Variants in TNIK observed in about 807,000 individuals in gnomAD.
TNIK encodes the protein TRAF2 and NCK interacting kinase, also known as TRAF2 and NCK-interacting protein kinase.
In TNIK, 49 loss-of-function variants were observed where a neutral mutation model predicts 191.3. That is an observed-to-expected ratio of 0.26 (90% CI 0.20 to 0.32). The LOEUF is 0.32. Ranked by LOEUF, TNIK falls within the 10% of genes least tolerant of loss-of-function variation. The probability of loss-of-function intolerance (pLI) is 1.00; values close to 1 mark genes in which losing one functional copy is unlikely to be tolerated. For missense variants in TNIK, 1,155 were observed against 1,702.3 expected, an observed-to-expected ratio of 0.68 and a Z score of 5.66; for synonymous variants, 594 against 600.9, an observed-to-expected ratio of 0.99 and a Z score of 0.17.
chr3:171,134,782 G>A (rs1729744418), intron 15 of TNIK, among the ~76,000 whole-genome samples: 1 of 152,188 alleles, frequency 6.6e-6, no homozygotes, highest in South Asian at 2.1e-4. Context: ...GTGATCACTT[G>A]TGTTTTACAA....
chr3:171,146,699 G>A (rs781234301), intron 12 of TNIK, among the ~76,000 whole-genome samples: 5 of 152,090 alleles, frequency 3.3e-5, no homozygotes, highest in African/African-American at 4.8e-5. Context: ...ACACCAGCCT[G>A]GCCAACATGG....
chr3:171,104,132 A>AG (rs1210479902), intron 21 of TNIK, among the ~76,000 whole-genome samples: 2 of 152,108 alleles, frequency 1.3e-5, no homozygotes. Context: ...CCCTATGAAA[A>AG]GGTAAAAATA....
chr3:171,183,790 G>A (rs375689152), intron 7 of TNIK, among the ~76,000 whole-genome samples: 120 of 151,826 alleles, frequency 7.9e-4, no homozygotes, highest in African/African-American at 2.8e-3. Context: ...GCGTGGTGGC[G>A]GGCGCCTGTA....
intron 2 of TNIK, among the ~76,000 whole-genome samples, chr3:171,275,711 A>G (rs1380396420): frequency 6.6e-6 from 1 of 151,996 alleles, no homozygotes; most frequent in African/African-American, 2.4e-5. Flanking sequence ...CCTGGCTAAC[A>G]TGGTGAAACC....
chr3:171,257,709 T>C (rs1747060489), intron 2 of TNIK, among the ~76,000 whole-genome samples: 1 of 152,182 alleles, frequency 6.6e-6, no homozygotes, highest in Non-Finnish European at 1.5e-5. Context: ...CAAGATCCCC[T>C]TCTCTTGGGA....
intron 2 of TNIK, among the ~76,000 whole-genome samples, chr3:171,264,063 TACATACACACAC>T (rs1748037994): frequency 4.2e-5 from 4 of 94,466 alleles, no homozygotes; most frequent in Middle Eastern, 4.8e-3. Context: ...TGTATATATA[TACATACACACAC>T]ACACACACAC....
intron 2 of TNIK, among the ~76,000 whole-genome samples, chr3:171,331,942 A>G (rs1415771317): frequency 1.3e-5 from 2 of 152,208 alleles, no homozygotes; most frequent in Non-Finnish European, 2.9e-5. Flanking sequence ...AAAAGTAATA[A>G]AAGTGTAGGG....
Position 171,320,311 on chromosome 3 carries a change from T to C in TNIK, c.123+49309A>G, listed in dbSNP as rs569326362. Reference sequence around the variant, plus strand: ...TCTTGCCCTCTGCCTATAAATTGACTAATAAAATTAAATAAATTGTTACTA... The same window carrying C: ...TCTTGCCCTCTGCCTATAAATTGACCAATAAAATTAAATAAATTGTTACTA... On this transcript the variant is annotated intron_variant, in intron 2 of 32. Coordinates refer to ENST00000436636, the MANE Select transcript of TNIK (RefSeq NM_015028.4). 3.3e-5 allele frequency among the ~76,000 whole-genome samples: 5 copies of C among 152,308 alleles called. No homozygotes were observed. The East Asian group carries it at 9.6e-4, about 29-fold the overall frequency.
chr3:171,266,712 A>T (rs1181810895), intron 2 of TNIK, among the ~76,000 whole-genome samples: 2 of 152,332 alleles, frequency 1.3e-5, no homozygotes, highest in East Asian at 3.9e-4. Context: ...AACCAAGCAG[A>T]AATTTGGTAA....
intron 2 of TNIK, chr3:171,347,197 C>T (rs953876961): frequency 2.6e-6 from 4 of 1,528,892 alleles, no homozygotes; most frequent in Admixed American, 4.0e-5. Context: ...GTGATAATGC[C>T]CTTCACTCAC....
chr3:171,449,043 G>C (rs921937418), intron 1 of TNIK, among the ~76,000 whole-genome samples: 1 of 151,970 alleles, frequency 6.6e-6, no homozygotes, highest in African/African-American at 2.4e-5. Flanking sequence ...GAGAATGATG[G>C]TTTCCAGCTT....
rs187855469 is a variant in TNIK, at chr3:171,268,911, A to G, written c.124-40690T>C. 1.4e-3 allele frequency among the ~76,000 whole-genome samples: 209 copies of G among 152,344 alleles called. 1 individual carries two copies. The highest frequency in any genetic ancestry group is 0.013 in the Admixed American group (196 of 15,308). On this transcript the variant is annotated intron_variant, in intron 2 of 32. Coordinates refer to ENST00000436636, the MANE Select transcript of TNIK (RefSeq NM_015028.4). ...GCTACATGGAGTGATGCAAATTCAAAGGCATGGCTCTGTCACAAGAATTTA... is the reference window on the plus strand; with the variant it reads ...GCTACATGGAGTGATGCAAATTCAAGGGCATGGCTCTGTCACAAGAATTTA...
At chr3:171,235,099 T>A (rs1444427213) in intron 2 of TNIK, among the ~76,000 whole-genome samples, 1 of 152,216 alleles carries the variant, frequency 6.6e-6, no homozygotes, top group Non-Finnish European at 1.5e-5. Flanking sequence ...TGGAGTACAG[T>A]GGCGCTGTCT....
chr3:171,271,947 T>C (rs948281492), intron 2 of TNIK, among the ~76,000 whole-genome samples: 1 of 152,248 alleles, frequency 6.6e-6, no homozygotes, highest in Non-Finnish European at 1.5e-5. Flanking sequence ...GTCTGCTTTA[T>C]GTGCTTTCCT....
chr3:171,414,040 A>G (rs1722736624), intron 1 of TNIK, among the ~76,000 whole-genome samples: 1 of 152,162 alleles, frequency 6.6e-6, no homozygotes, highest in South Asian at 2.1e-4. Flanking sequence ...TAATCTATCT[A>G]CCTATCCATC....
At chr3:171,309,757 A>T (rs1465698200) in intron 2 of TNIK, among the ~76,000 whole-genome samples, 1 of 152,130 alleles carries the variant, frequency 6.6e-6, no homozygotes, top group Non-Finnish European at 1.5e-5. Flanking sequence ...ATATTACTAA[A>T]TAATAACTTT....
rs1230564512 is a variant in TNIK at position 171,457,734 on chromosome 3, A to T, written c.57+2273T>A. Among the ~76,000 whole-genome samples the T allele has an allele frequency of 2.0e-5, 3 of 152,216 alleles. No individual in the cohort carries two copies. The East Asian group carries it at 5.8e-4, about 29-fold the overall frequency. On this transcript the variant is annotated intron_variant, in intron 1 of 32. Coordinates refer to ENST00000436636, the MANE Select transcript of TNIK (RefSeq NM_015028.4). ...CTCCACATCTGCATCTAAGTCTTCT[A>T]GCCAGCAGTTCCTGGTCCCCAAGCT...
intron 2 of TNIK, among the ~76,000 whole-genome samples, chr3:171,360,221 T>A (rs1714776116): frequency 6.6e-6 from 1 of 152,206 alleles, no homozygotes; most frequent in African/African-American, 2.4e-5. Context: ...CGGCTCTGAA[T>A]TAATGAGAGA....
chr3:171,096,719 C>A (rs183167149), intron 22 of TNIK, among the ~76,000 whole-genome samples: 1 of 152,260 alleles, frequency 6.6e-6, no homozygotes, highest in East Asian at 1.9e-4. Flanking sequence ...TCTACCACTG[C>A]ATTCAATACA....
Sources: gnomAD v4.1 joint callset for allele counts (sites outside exome capture counted in the v4.1 genomes callset) on GRCh38, gnomAD v4.1.1 for gene constraint, MANE v1.5 for transcripts, NCBI Gene and HGNC (gene_info 2026-07-23, HGNC 2026-07-21) for gene names.